Variants in MSRA observed in about 807,000 individuals in gnomAD.
MSRA encodes the protein methionine sulfoxide reductase A.
A neutral mutation model predicts 31.3 loss-of-function variants in MSRA; 54 were observed. The ratio of observed to expected loss-of-function variants is 1.73; its 90% CI spans 1.39 to 2.17. The LOEUF is 2.17. MSRA is among the 30% of genes most tolerant of loss of function. The pLI, the probability that MSRA is intolerant of heterozygous loss-of-function variation, is 0.00. For missense variants in MSRA, 507 were observed against 300.9 expected, an observed-to-expected ratio of 1.69 and a Z score of -5.07; for synonymous variants, 169 against 116.5, an observed-to-expected ratio of 1.45 and a Z score of -2.90.
At chr8:10,378,614 A>G (rs1805881341) in intron 5 of MSRA, among the ~76,000 whole-genome samples, 2 of 152,108 alleles carry the variant, frequency 1.3e-5, no homozygotes, top group Non-Finnish European at 2.9e-5. Context: ...TGGGCTCCTA[A>G]CATCCCCCTC....
chr8:10,129,813 A>C (rs947330453), intron 1 of MSRA, among the ~76,000 whole-genome samples: 5 of 151,866 alleles, frequency 3.3e-5, no homozygotes, highest in African/African-American at 1.2e-4. Context: ...TACTTGTGCA[A>C]ACTCTGTGTC....
At chr8:10,220,482 C>G (rs1020241088) in intron 2 of MSRA, among the ~76,000 whole-genome samples, 1 of 152,212 alleles carries the variant, frequency 6.6e-6, no homozygotes, top group African/African-American at 2.4e-5. Flanking sequence ...ATGTGGCCTT[C>G]CAGAACCAAG....
chr8:10,076,135 G>C (rs576203454), intron 1 of MSRA, among the ~76,000 whole-genome samples: 6 of 152,326 alleles, frequency 3.9e-5, no homozygotes, highest in African/African-American at 1.4e-4. Context: ...TTTCTCATTT[G>C]TAAAACAGAC....
chr8:10,283,926 G>A (rs1799793990), intron 3 of MSRA, among the ~76,000 whole-genome samples: 1 of 148,580 alleles, frequency 6.7e-6, no homozygotes, highest in South Asian at 2.2e-4. Context: ...GATTGGTTCT[G>A]CATTTTGCAA....
chr8:10,298,154 G>GCAATGT (rs1800644426), intron 3 of MSRA, among the ~76,000 whole-genome samples: 1 of 152,202 alleles, frequency 6.6e-6, no homozygotes, highest in African/African-American at 2.4e-5. Context: ...TGGCAAAATA[G>GCAATGT]TTGTGAGCAA....
chr8:10,101,607 C>G (rs1047102979), intron 1 of MSRA, among the ~76,000 whole-genome samples: 1 of 152,214 alleles, frequency 6.6e-6, no homozygotes, highest in Non-Finnish European at 1.5e-5. Flanking sequence ...TTGACTACTT[C>G]AGGTACCTCA....
At chr8:10,266,952 A>G (rs1798778544) in intron 3 of MSRA, among the ~76,000 whole-genome samples, 1 of 152,224 alleles carries the variant, frequency 6.6e-6, no homozygotes, top group Non-Finnish European at 1.5e-5. Flanking sequence ...AATACATTTA[A>G]TGAAAGAATA....
intron 5 of MSRA, among the ~76,000 whole-genome samples, chr8:10,382,464 A>T (rs1806128905): frequency 6.6e-6 from 1 of 152,184 alleles, no homozygotes; most frequent in Non-Finnish European, 1.5e-5. Flanking sequence ...GTTGGGGCTC[A>T]TCTTGACCTG....
At chr8:10,175,530 G>A (rs572855938) in intron 1 of MSRA, among the ~76,000 whole-genome samples, 1 of 152,156 alleles carries the variant, frequency 6.6e-6, no homozygotes, top group Admixed American at 6.5e-5. Context: ...AAGTAATTAT[G>A]CTGGGTGGAA....
chr8:10,397,989 A>G (rs763776388), intron 5 of MSRA, among the ~76,000 whole-genome samples: 1 of 152,202 alleles, frequency 6.6e-6, no homozygotes, highest in Non-Finnish European at 1.5e-5. Flanking sequence ...CACCAATATA[A>G]AAGGTGGCAT....
At chr8:10,389,886 C>A (rs1201121917) in intron 5 of MSRA, among the ~76,000 whole-genome samples, 1 of 150,864 alleles carries the variant, frequency 6.6e-6, no homozygotes, top group East Asian at 2.0e-4. Context: ...AGGTCATTCA[C>A]AGAATCGCCC....
intron 4 of MSRA, 41 bp from the exon 5 acceptor site, chr8:10,319,842 C>G (rs757880704): frequency 7.7e-7 from 1 of 1,295,686 alleles, no homozygotes; most frequent in South Asian, 1.8e-5. Flanking sequence ...GGCACTGTCG[C>G]CTAGTGACCG....
At chr8:10,252,685 A>C (rs1341355320) in intron 3 of MSRA, among the ~76,000 whole-genome samples, 1 of 152,220 alleles carries the variant, frequency 6.6e-6, no homozygotes, top group Non-Finnish European at 1.5e-5. Flanking sequence ...AATCAGGGCA[A>C]GTGGACTGCA....
chr8:10,370,273 C>G (rs1805403020), intron 5 of MSRA, among the ~76,000 whole-genome samples: 1 of 152,198 alleles, frequency 6.6e-6, no homozygotes, highest in Admixed American at 6.5e-5. Context: ...AGGATGTGAA[C>G]TTAGATTCCT....
At chr8:10,158,702 G>GT (rs113369500) in intron 1 of MSRA, among the ~76,000 whole-genome samples, 3,607 of 152,134 alleles carry the variant, frequency 0.024, 55 homozygotes, top group Middle Eastern at 0.041. Context: ...TTTGTGTACA[G>GT]TTTTTTTTGT....
At chr8:10,247,488 G>T (rs1338898407) in intron 3 of MSRA, among the ~76,000 whole-genome samples, 1 of 152,172 alleles carries the variant, frequency 6.6e-6, no homozygotes, top group Non-Finnish European at 1.5e-5. Flanking sequence ...GCTTTTAAAT[G>T]ATTAAGGAGA....
chr8:10,367,703 C>G (rs1361536413), intron 5 of MSRA, among the ~76,000 whole-genome samples: 1 of 152,246 alleles, frequency 6.6e-6, no homozygotes, highest in South Asian at 2.1e-4. Context: ...GGGCTCCGAT[C>G]GCGGGCATCC....
intron 5 of MSRA, among the ~76,000 whole-genome samples, chr8:10,417,205 C>T (rs1190715510): frequency 6.6e-6 from 1 of 152,140 alleles, no homozygotes; most frequent in East Asian, 1.9e-4. Context: ...CTGGGAGGGT[C>T]AGTGAGCTCC....
chr8:10,293,628 G>A (rs1200419927), intron 3 of MSRA, among the ~76,000 whole-genome samples: 1 of 152,198 alleles, frequency 6.6e-6, no homozygotes, highest in Non-Finnish European at 1.5e-5. Context: ...GCGAAGAAAG[G>A]TCCGACGTGT....
Sources: gnomAD v4.1 joint callset for allele counts (sites outside exome capture counted in the v4.1 genomes callset) on GRCh38, gnomAD v4.1.1 for gene constraint, MANE v1.5 for transcripts, NCBI Gene and HGNC (gene_info 2026-07-23, HGNC 2026-07-21) for gene names.